USP47: variants seen among roughly 807,000 people sequenced by gnomAD.
USP47 encodes the protein ubiquitin carboxyl-terminal hydrolase 47.
Under a neutral mutation model 165.1 loss-of-function variants are expected in USP47, and 35 were observed. That is an observed-to-expected ratio of 0.21 (90% CI 0.16 to 0.28). The LOEUF is 0.28. Ranked by LOEUF, USP47 falls within the 10% of genes least tolerant of loss-of-function variation. The probability of loss-of-function intolerance (pLI) is 1.00; values close to 1 mark genes in which losing one functional copy is unlikely to be tolerated. For synonymous variants in USP47, 531 were observed against 544.5 expected (o/e 0.98, Z 0.35); for missense variants, 1,277 against 1,607.4 (o/e 0.79, Z 3.52).
chr11:11,953,844 C>A (rs1856377795), intron 25 of USP47, among the ~76,000 whole-genome samples: 1 of 152,050 alleles, frequency 6.6e-6, no homozygotes, highest in South Asian at 2.1e-4. Flanking sequence ...GGGATACAGA[C>A]AATATATACC....
intron 1 of USP47, among the ~76,000 whole-genome samples, chr11:11,875,034 TG>T (rs1850307292): frequency 5.8e-5 from 1 of 17,370 alleles, no homozygotes; most frequent in South Asian, 2.3e-3. Context: ...ATTGACTTAT[TG>T]TGTGTGTGTG....
chr11:11,928,466 AT>A (rs1389635585), intron 11 of USP47, among the ~76,000 whole-genome samples: 1 of 152,074 alleles, frequency 6.6e-6, no homozygotes, highest in Non-Finnish European at 1.5e-5. Context: ...ATAAATTAGA[AT>A]TTCTTGAAAG....
intron 20 of USP47, among the ~76,000 whole-genome samples, chr11:11,945,874 G>T (rs1416823529): frequency 4.0e-5 from 6 of 151,578 alleles, no homozygotes; most frequent in Admixed American, 2.6e-4. Flanking sequence ...GAGAGAGGCT[G>T]CAGTGAGCTA....
intron 1 of USP47, among the ~76,000 whole-genome samples, chr11:11,861,064 GT>G (rs1849352553): frequency 6.6e-6 from 1 of 152,036 alleles, no homozygotes; most frequent in African/African-American, 2.4e-5. Flanking sequence ...CTCATCTGAT[GT>G]TCAAAGGTCC....
chr11:11,909,588 CAT>C (rs894551937), intron 8 of USP47, among the ~76,000 whole-genome samples: 1 of 152,052 alleles, frequency 6.6e-6, no homozygotes, highest in Non-Finnish European at 1.5e-5. Context: ...TGTATTTTGT[CAT>C]ACAACATTTA....
chr11:11,946,490 C>G (rs903016748), intron 20 of USP47, among the ~76,000 whole-genome samples: 1 of 152,188 alleles, frequency 6.6e-6, no homozygotes, highest in Non-Finnish European at 1.5e-5. Context: ...ACATTTGTCA[C>G]AACAATGTTA....
intron 18 of USP47, 44 bp from the exon 19 acceptor site, chr11:11,940,385 T>C (rs1247641250): frequency 3.9e-6 from 6 of 1,547,384 alleles, no homozygotes; most frequent in African/African-American, 1.4e-5. Flanking sequence ...TCAAGCAGAA[T>C]TATTTTTGAA....
chr11:11,880,143 A>T lies in USP47; in HGVS notation c.40-34A>T, dbSNP rs746003786. ...TATACTTTTGTTTTGCTTTAAAGAT[A>T]ATATATAAAGTCATATTTTTCTTAA... On this transcript the variant is annotated intron_variant, in intron 1 of 27. Coordinates refer to ENST00000527733, the MANE Select transcript of USP47 (RefSeq NM_001282659.2). 13 of 1,375,588 alleles carry T rather than the reference A, an allele frequency of 9.5e-6. No individual in the cohort carries two copies. The South Asian group carries it at 1.9e-4, about 20-fold the overall frequency. 85.2% of individuals were successfully genotyped at this position (1,375,588 alleles called of 1,614,324 possible). A position where few individuals can be genotyped will look rare whatever the true frequency, so the allele number is the denominator to read the frequency against.
At chr11:11,923,088 C>G (rs571796494) in intron 11 of USP47, among the ~76,000 whole-genome samples, 197 bp downstream of exon 11, 1 of 101,712 alleles carries the variant, frequency 9.8e-6, no homozygotes, top group Non-Finnish European at 2.1e-5. Context: ...ATATATATGA[C>G]TATAATTAAA....
chr11:11,883,431 A>G (rs1349491608), intron 2 of USP47, among the ~76,000 whole-genome samples: 2 of 152,196 alleles, frequency 1.3e-5, no homozygotes, highest in East Asian at 3.8e-4. Context: ...GTCATGGGGA[A>G]GTGAAATAAC....
intron 1 of USP47, among the ~76,000 whole-genome samples, chr11:11,850,812 A>G (rs1464474367): frequency 6.6e-6 from 1 of 152,238 alleles, no homozygotes; most frequent in Non-Finnish European, 1.5e-5. Context: ...TGGGAAGTCC[A>G]AGATAAAGGT....
chr11:11,873,822 A>G, intron 1 of USP47: 1 of 1,491,674 alleles, frequency 6.7e-7, no homozygotes, highest in Non-Finnish European at 8.9e-7. Flanking sequence ...AGATGCAGAC[A>G]AAATATCTTT....
At position 11,942,879 on chromosome 11, in the gene USP47, A is replaced by G. The variant is rs746169884; in HGVS notation, c.2858A>G (p.Asn953Ser). 19 of 1,613,606 alleles carry G rather than the reference A, an allele frequency of 1.2e-5. No individual in the cohort carries two copies. The highest frequency in any genetic ancestry group is 6.7e-5 in the East Asian group (3 of 44,874). ...AGTCATAGCAGTGATACTTTGTGCA[A>G]TGCAGACAATGCTCAGATCCCTTTG... ...SSSHSSDTLC[N>S]ADNAQIPLAN... Residue 953 changes from asparagine to serine, a missense_variant, in exon 20 of 28, where the codon AAT becomes AGT. Around this residue, in one of 4 missense-constraint regions of USP47, gnomAD observed 909 missense variants for 1,068.1 expected, o/e 0.85. Transcript: ENST00000527733.
At position 11,902,782 on chromosome 11, in the gene USP47, G is replaced by A; in HGVS notation, c.661G>A (p.Val221Ile). ...TCCATACCAACTTCAAAGGCTTTTT[G>A]TTTTGTTACAAACCAGCAAAAAGAG... ...SIPYQLQRLF[V>I]LLQTSKKRAI... Residue 221 changes from valine (V) to isoleucine (I), a missense_variant, in exon 6 of 28, where the codon GTT becomes ATT. Transcript: ENST00000527733. 1 of 1,602,674 alleles carries A rather than the reference G, an allele frequency of 6.2e-7. No individual in the cohort carries two copies. Among genetic ancestry groups the A allele is most frequent in the Non-Finnish European group, 8.5e-7 (1 of 1,173,786 alleles).
intron 15 of USP47, among the ~76,000 whole-genome samples, chr11:11,933,333 C>A (rs960107810): frequency 4.6e-5 from 7 of 151,850 alleles, no homozygotes; most frequent in Non-Finnish European, 1.0e-4. Flanking sequence ...CTGGTGAAGC[C>A]ACAGTTGAGG....
In USP47 at chr11:11,933,135, A is replaced by G; in HGVS notation, c.1764+19A>G. 1 of 1,601,316 alleles carries G rather than the reference A, an allele frequency of 6.2e-7. No homozygotes were observed. Reference sequence around the variant, plus strand: ...ATGCAAGGTTGAATTCCATCATTTTATTTTTAATTGAAAGTGCTATTTTTA... The same window carrying G: ...ATGCAAGGTTGAATTCCATCATTTTGTTTTTAATTGAAAGTGCTATTTTTA... On this transcript the variant is annotated intron_variant, in intron 15 of 27. Transcript: ENST00000527733.
intron 13 of USP47, 106 bp downstream of exon 13, chr11:11,930,226 C>G: frequency 9.7e-7 from 1 of 1,031,940 alleles, no homozygotes; most frequent in Middle Eastern, 2.9e-4. Flanking sequence ...GAACTACAAC[C>G]CATGAGCCAA....
chr11:11,933,731 TA>T (rs1471237740), intron 15 of USP47, 99 bp from the exon 16 acceptor site: 8 of 778,306 alleles, frequency 1.0e-5, no homozygotes, highest in Non-Finnish European at 1.7e-5. Context: ...TATGTTCTTT[TA>T]AAAAATTGCA....
chr11:11,948,558 G>C lies in USP47; in HGVS notation c.3348G>C (p.Glu1116Asp). Residue 1116 changes from glutamate (E) to aspartate (D), a missense_variant and splice_region_variant, in exon 22 of 28, where the codon GAG becomes GAC. Around this residue, in one of 4 missense-constraint regions of USP47, gnomAD observed 909 missense variants for 1,068.1 expected, o/e 0.85. Transcript: ENST00000527733. ...KVYQLLVNEQ[E>D]PCKFLLDAVF... ...ACCAGCTTTTGGTCAATGAACAAGAGGTAAGTAATACGTTTAAGAATAATA... is the reference window on the plus strand; with the variant it reads ...ACCAGCTTTTGGTCAATGAACAAGACGTAAGTAATACGTTTAAGAATAATA... 1 of 1,603,718 alleles carries C rather than the reference G, an allele frequency of 6.2e-7. No homozygotes were observed. Among genetic ancestry groups the C allele is most frequent in the Non-Finnish European group, 8.5e-7 (1 of 1,171,080 alleles).
Sources: gnomAD v4.1 joint callset for allele counts (sites outside exome capture counted in the v4.1 genomes callset) on GRCh38, gnomAD v4.1.1 for gene constraint, gnomAD v4.1.1 regional missense constraint, MANE v1.5 for transcripts, NCBI Gene and HGNC (gene_info 2026-07-23, HGNC 2026-07-21) for gene names.